TMTC4: variants seen among roughly 807,000 people sequenced by gnomAD.
TMTC4 encodes transmembrane O-mannosyltransferase targeting cadherins 4.
TMTC4 carries 65 observed loss-of-function variants against 86.0 expected under a neutral mutation model. That is an observed-to-expected ratio of 0.76 (90% CI 0.62 to 0.93). The LOEUF is 0.93. Among genes scored for constraint, TMTC4 ranks in the 40% least tolerant of loss-of-function variants. The pLI is 0.00. For missense variants in TMTC4, 866 were observed against 948.1 expected (o/e 0.91, Z 1.14); for synonymous variants, 379 against 382.5 (o/e 0.99, Z 0.11).
intron 12 of TMTC4, among the ~76,000 whole-genome samples, chr13:100,629,325 G>C (rs1451745861): frequency 6.6e-6 from 1 of 152,140 alleles, no homozygotes; most frequent in Non-Finnish European, 1.5e-5. Flanking sequence ...ACGGTGAATG[G>C]TAAGATGGTG....
At position 100,670,498 on chromosome 13, in the gene TMTC4, T is replaced by C. The variant is rs185467559; in HGVS notation, c.-136A>G. 17 of 803,048 alleles carry C rather than the reference T, an allele frequency of 2.1e-5. No individual in the cohort carries two copies. The highest frequency in any genetic ancestry group is 3.6e-4 in the Middle Eastern group (1 of 2,746). 49.7% of individuals were successfully genotyped at this position (803,048 alleles called of 1,614,324 possible). A position where few individuals can be genotyped will look rare whatever the true frequency, so the allele number is the denominator to read the frequency against. On this transcript the variant is annotated 5_prime_UTR_variant, in exon 2 of 19. Transcript: ENST00000342624. ...TGGCATACGGCATGCTCTCAGCAAG[T>C]GCTGGGGGAATACTGCAGCTACTTT...
intron 2 of TMTC4, among the ~76,000 whole-genome samples, chr13:100,669,244 C>T (rs1325534518): frequency 6.6e-6 from 1 of 152,058 alleles, no homozygotes; most frequent in Non-Finnish European, 1.5e-5. Flanking sequence ...TAAAACACAA[C>T]CCTGCTTCTG....
intron 12 of TMTC4, among the ~76,000 whole-genome samples, chr13:100,632,053 A>ACACACTCTCTCTCTCTCTCTCTCT (rs1296569630): frequency 7.0e-5 from 3 of 43,106 alleles, no homozygotes; most frequent in Non-Finnish European, 1.4e-4. Context: ...ACACACACAC[A>ACACACTCTCTCTCTCTCTCTCTCT]CTCTCTCTCT....
chr13:100,637,411 T>G, intron 9 of TMTC4, 127 bp downstream of exon 9: 4 of 1,250,204 alleles, frequency 3.2e-6, no homozygotes, highest in Non-Finnish European at 4.4e-6. Context: ...CAAGCAAACA[T>G]GGAGGTGGCG....
chr13:100,671,966 C>G (rs1031715381), intron 1 of TMTC4, among the ~76,000 whole-genome samples: 4 of 151,728 alleles, frequency 2.6e-5, no homozygotes, highest in African/African-American at 7.3e-5. Context: ...GCTCTGGTGA[C>G]GGACAAACCT....
At chr13:100,627,095 C>A (rs1371804993) in intron 12 of TMTC4, among the ~76,000 whole-genome samples, 3 of 152,186 alleles carry the variant, frequency 2.0e-5, no homozygotes, top group African/African-American at 7.2e-5. Context: ...GGCTTTCCAG[C>A]CTCTGGCACT....
rs150999805 is a variant in TMTC4, at chr13:100,634,709, C to T, written c.1506+96G>A. 15 of 1,475,600 alleles carry T rather than the reference C, an allele frequency of 1.0e-5. No individual in the cohort carries two copies. The South Asian group carries it at 1.5e-4, about 15-fold the overall frequency. The allele number at this position is 1,475,600 out of a possible 1,614,324, so 91.4% of individuals were successfully genotyped here. ...CCAAGTATTCGGTCATGGTCTTACA[C>T]TAAATACTGCGCGACAGGAAATGTT... is the stretch of plus-strand genomic sequence containing the variant. On this transcript the variant is annotated intron_variant, in intron 12 of 18. Coordinates refer to ENST00000342624, the MANE Select transcript of TMTC4 (RefSeq NM_032813.5).
chr13:100,619,948 C>T (rs1879225438), intron 15 of TMTC4, among the ~76,000 whole-genome samples: 1 of 152,186 alleles, frequency 6.6e-6, no homozygotes, highest in Non-Finnish European at 1.5e-5. Flanking sequence ...CACTACTTTA[C>T]TGTTACTACT....
chr13:100,639,437 TCA>T (rs1882729359), intron 7 of TMTC4, among the ~76,000 whole-genome samples: 1 of 152,236 alleles, frequency 6.6e-6, no homozygotes, highest in Admixed American at 6.5e-5. Flanking sequence ...CATTGTCTTC[TCA>T]CAGTTTTCCT....
chr13:100,663,696 C>A (rs1886072870), intron 4 of TMTC4, among the ~76,000 whole-genome samples: 1 of 152,182 alleles, frequency 6.6e-6, no homozygotes, highest in African/African-American at 2.4e-5. Flanking sequence ...GGTTCCAATT[C>A]ATCACTCCCA....
At position 100,635,049 on chromosome 13, in the gene TMTC4, G is replaced by T. The variant is rs1882020351; in HGVS notation, c.1349C>A (p.Ala450Asp). The T allele has an allele frequency of 1.2e-6, 2 of 1,612,862 alleles. No individual in the cohort carries two copies. The highest frequency in any genetic ancestry group is 1.7e-6 in the Non-Finnish European group (2 of 1,179,540). ...YCVLLTFGFG[A>D]LSKHTKKKKL... ...CTTTTTCTTGGTATGTTTGCTCAGGGCTCCGAATCCAAAAGTCAGCAGCAC... is the reference window on the plus strand; with the variant it reads ...CTTTTTCTTGGTATGTTTGCTCAGGTCTCCGAATCCAAAAGTCAGCAGCAC... The change falls in exon 11 of 19, where the codon GCC becomes GAC. Residue 450 changes from alanine (A) to aspartate (D), a missense_variant. By Grantham distance (126) the Ala-to-Asp change is moderately radical. Coordinates refer to ENST00000342624, the MANE Select transcript of TMTC4 (RefSeq NM_032813.5).
chr13:100,664,775 C>T (rs951756191), intron 3 of TMTC4, among the ~76,000 whole-genome samples: 9 of 152,178 alleles, frequency 5.9e-5, no homozygotes, highest in Non-Finnish European at 4.4e-5. Context: ...GGCCTCTGGA[C>T]ATCTCACCCT....
At chr13:100,655,916 C>T (rs1885051166) in intron 6 of TMTC4, among the ~76,000 whole-genome samples, 1 of 152,146 alleles carries the variant, frequency 6.6e-6, no homozygotes, top group African/African-American at 2.4e-5. Flanking sequence ...AAGACAGGGC[C>T]TGAGCCTGGG....
At chr13:100,655,917 T>C (rs1349362794) in intron 6 of TMTC4, among the ~76,000 whole-genome samples, 1 of 152,188 alleles carries the variant, frequency 6.6e-6, no homozygotes, top group African/African-American at 2.4e-5. Flanking sequence ...AGACAGGGCC[T>C]GAGCCTGGGT....
Position 100,635,041 on chromosome 13 carries a change from T to A in TMTC4, c.1357A>T (p.Lys453Ter), listed in dbSNP as rs1882018780. The change falls in exon 11 of 19, where the codon AAA (lysine) becomes TAA (stop). Residue 453 changes from lysine to a stop codon, truncating the protein, a stop_gained. Transcript: ENST00000342624. LOFTEE classifies it high-confidence loss of function. ...GTTGATACCTTTTTCTTGGTATGTT[T>A]GCTCAGGGCTCCGAATCCAAAAGTC... ...LLTFGFGALSKHTKKKKLIAA... is the reference protein window; with the variant it reads ...LLTFGFGALS The A allele has an allele frequency of 2.5e-6, 4 of 1,612,480 alleles. No homozygotes were observed. The highest frequency in any genetic ancestry group is 3.4e-6 in the Non-Finnish European group (4 of 1,179,098).
At chr13:100,606,225 A>C in intron 18 of TMTC4, 133 bp downstream of exon 18, 1 of 777,954 alleles carries the variant, frequency 1.3e-6, no homozygotes, top group African/African-American at 1.8e-5. Context: ...TTTTTAATGC[A>C]ATAACAGAAC....
At chr13:100,665,745 G>A (rs991180248) in intron 3 of TMTC4, among the ~76,000 whole-genome samples, 2 of 152,242 alleles carry the variant, frequency 1.3e-5, no homozygotes, top group African/African-American at 2.4e-5. Flanking sequence ...TAGCACCTGC[G>A]ACTTAAGTGC....
At chr13:100,636,255 C>G (rs1292176845) in intron 10 of TMTC4, among the ~76,000 whole-genome samples, 1 of 152,154 alleles carries the variant, frequency 6.6e-6, no homozygotes, top group Non-Finnish European at 1.5e-5. Context: ...TCTTTACCAC[C>G]TATGGTGAAA....
In TMTC4 at chr13:100,614,382, C is replaced by T; in HGVS notation, c.1885G>A (p.Ala629Thr). The T allele has an allele frequency of 2.5e-6, 4 of 1,613,526 alleles. No individual in the cohort carries two copies. The highest frequency in any genetic ancestry group is 3.4e-6 in the Non-Finnish European group (4 of 1,179,934). The part of the protein sequence containing the change: ...HVDALNAWRN[A>T]TVLKPEHSLA... ...CTGTGCTCTGGTTTCAGCACGGTGG[C>T]ATTTCTCCACGCATTCAAGGCATCC... Residue 629 changes from alanine (A) to threonine (T), a missense_variant, in exon 16 of 19, where the codon GCC (alanine) becomes ACC (threonine). Transcript: ENST00000342624.
Sources: gnomAD v4.1 joint callset for allele counts (sites outside exome capture counted in the v4.1 genomes callset) on GRCh38, gnomAD v4.1.1 for gene constraint, MANE v1.5 for transcripts, NCBI Gene and HGNC (gene_info 2026-07-23, HGNC 2026-07-21) for gene names.